Variants in MRPL45 observed in about 807,000 individuals in gnomAD.
MRPL45 encodes mitochondrial ribosomal protein L45, also known as large ribosomal subunit protein mL45.
In MRPL45, 20 loss-of-function variants were observed where a neutral mutation model predicts 38.1. That is an observed-to-expected ratio of 0.53 (90% confidence interval 0.37 to 0.76). MRPL45 has a LOEUF of 0.76. Ranked by LOEUF, MRPL45 falls within the 30% of genes least tolerant of loss-of-function variation. The pLI, the probability that MRPL45 is intolerant of heterozygous loss-of-function variation, is 0.00. For synonymous variants in MRPL45, 105 were observed against 128.8 expected, an observed-to-expected ratio of 0.82 and a Z score of 1.25; for missense variants, 337 against 395.6, an observed-to-expected ratio of 0.85 and a Z score of 1.26.
intron 1 of MRPL45, 54 bp downstream of exon 1, chr17:38,297,303 C>T: frequency 6.6e-7 from 1 of 1,507,102 alleles, no homozygotes; most frequent in East Asian, 2.2e-5. Flanking sequence ...AGGACAGAGT[C>T]GAGGGAAATA....
chr17:38,319,028 T>C (rs2037204514), intron 5 of MRPL45, among the ~76,000 whole-genome samples: 1 of 147,702 alleles, frequency 6.8e-6, no homozygotes, highest in African/African-American at 2.5e-5. Context: ...TTTATTTATT[T>C]ATTTATTTAT....
intron 5 of MRPL45, among the ~76,000 whole-genome samples, chr17:38,320,287 C>A (rs967981582): frequency 1.6e-4 from 25 of 152,014 alleles, no homozygotes; most frequent in African/African-American, 6.0e-4. Context: ...GCAATAATTG[C>A]CACATTATGA....
At chr17:38,320,509 C>T (rs2037218662) in intron 5 of MRPL45, 109 bp from the exon 6 acceptor site, 3 of 1,146,278 alleles carry the variant, frequency 2.6e-6, no homozygotes, top group East Asian at 2.4e-5. Context: ...TGGTGGGAAA[C>T]GTGCTGCCTG....
chr17:38,322,348 T>C, intron 7 of MRPL45, 49 bp downstream of exon 7: 1 of 1,492,404 alleles, frequency 6.7e-7, no homozygotes, highest in Non-Finnish European at 9.0e-7. Flanking sequence ...ACTCGTGGTC[T>C]CCTAAGCCAC....
rs1028091846 is a variant in MRPL45, at chr17:38,315,746, C to CT, written c.462-2928dup. Among the ~76,000 whole-genome samples, 935 of 139,048 alleles carry CT rather than the reference C, an allele frequency of 6.7e-3. 5 individuals carry two copies. The highest frequency in any genetic ancestry group is 0.018 in the African/African-American group (689 of 38,164). The allele number at this position is 139,048 out of a possible 152,430, so 91.2% of individuals were successfully genotyped here. On this transcript the variant is annotated intron_variant, in intron 4 of 7. Coordinates refer to ENST00000613675, the MANE Select transcript of MRPL45 (RefSeq NM_032351.6). Reference sequence around the variant, plus strand: ...CTGCAGCCATTATTTCTTTTTCTTTCTTTTTTTTTTTTTGCATGTTATTTT... The same window carrying CT: ...CTGCAGCCATTATTTCTTTTTCTTTCTTTTTTTTTTTTTTGCATGTTATTTT...
chr17:38,319,153 A>T (rs1406209454), intron 5 of MRPL45, among the ~76,000 whole-genome samples: 1 of 151,754 alleles, frequency 6.6e-6, no homozygotes, highest in East Asian at 1.9e-4. Flanking sequence ...CTCCTGCCTC[A>T]GCCTCTTGAG....
intron 3 of MRPL45, among the ~76,000 whole-genome samples, chr17:38,300,040 CTTTATTTA>C (rs531265363): frequency 2.7e-5 from 4 of 149,806 alleles, no homozygotes; most frequent in Admixed American, 2.7e-4. Flanking sequence ...ACGCCCAGCC[CTTTATTTA>C]TTTATTTATT....
intron 4 of MRPL45, among the ~76,000 whole-genome samples, chr17:38,314,888 C>G (rs1024624269): frequency 2.6e-5 from 4 of 152,190 alleles, no homozygotes; most frequent in African/African-American, 9.7e-5. Flanking sequence ...CTAGTTCAAC[C>G]TAGTTTGAAT....
chr17:38,312,949 A>G (rs2037126721), intron 4 of MRPL45, among the ~76,000 whole-genome samples: 1 of 147,534 alleles, frequency 6.8e-6, no homozygotes, highest in African/African-American at 2.5e-5. Flanking sequence ...GTTTCTCTAC[A>G]TCCTCACTGA....
At chr17:38,306,661 T>C in intron 4 of MRPL45, 30 bp downstream of exon 4, 5 of 1,610,526 alleles carry the variant, frequency 3.1e-6, no homozygotes, top group Non-Finnish European at 4.2e-6. Flanking sequence ...TTACCCATTC[T>C]GTTCTCAGCA....
Position 38,322,161 on chromosome 17 carries a change from G to A in MRPL45, c.696G>A (p.Met232Ile), listed in dbSNP as rs1488663916. ...LAIYDRFGRL[M>I]YGQEDVPKDV... ...TCTATGACCGGTTTGGCCGGTTGAT[G>A]TATGGACAGGAAGATGTACCCAAGG... Residue 232 changes from methionine to isoleucine, a missense_variant, in exon 7 of 8, where the codon ATG becomes ATA. Physicochemically the swap from Met to Ile is conservative, Grantham distance 10. Around this residue, in one of 3 missense-constraint regions of MRPL45, gnomAD observed 251 missense variants for 269.1 expected, o/e 0.93. Coordinates refer to ENST00000613675, the MANE Select transcript of MRPL45 (RefSeq NM_032351.6). 1.2e-6 allele frequency: 2 copies of A among 1,614,154 alleles called. No individual in the cohort carries two copies. The highest frequency in any genetic ancestry group is 1.3e-5 in the African/African-American group (1 of 75,030).
At chr17:38,318,232 T>C (rs1047907162) in intron 4 of MRPL45, among the ~76,000 whole-genome samples, 3 of 130,808 alleles carry the variant, frequency 2.3e-5, no homozygotes, top group Admixed American at 7.8e-5. Flanking sequence ...AAAAAAAAGA[T>C]ATAAGGCCAA....
At chr17:38,308,969 C>A (rs1399726660) in intron 4 of MRPL45, among the ~76,000 whole-genome samples, 3 of 151,306 alleles carry the variant, frequency 2.0e-5, no homozygotes, top group Non-Finnish European at 4.4e-5. Context: ...TGCAGTAGCG[C>A]AATCTCGACT....
intron 4 of MRPL45, among the ~76,000 whole-genome samples, chr17:38,308,969 C>T (rs1399726660): frequency 6.6e-6 from 1 of 151,426 alleles, no homozygotes; most frequent in Non-Finnish European, 1.5e-5. Context: ...TGCAGTAGCG[C>T]AATCTCGACT....
chr17:38,307,183 G>A (rs988559614), intron 4 of MRPL45, among the ~76,000 whole-genome samples: 35 of 151,980 alleles, frequency 2.3e-4, no homozygotes, highest in Admixed American at 7.2e-4. Flanking sequence ...ACAGGTGCAC[G>A]CCACCACATC....
chr17:38,305,005 C>T (rs959930293), intron 3 of MRPL45, among the ~76,000 whole-genome samples: 23 of 151,764 alleles, frequency 1.5e-4, no homozygotes, highest in African/African-American at 5.1e-4. Context: ...TGCCATCACG[C>T]TTGGCTAATT....
chr17:38,319,976 G>A lies in MRPL45; in HGVS notation c.511-642G>A, dbSNP rs561920026. On this transcript the variant is annotated intron_variant, in intron 5 of 7. Transcript: ENST00000613675. ...AAATTAGCCGGGCGTGGTGGCGGGCGCCAGTAGTCCCAGCTACTCGGGAAG... is the reference window on the plus strand; with the variant it reads ...AAATTAGCCGGGCGTGGTGGCGGGCACCAGTAGTCCCAGCTACTCGGGAAG... Among the ~76,000 whole-genome samples the A allele has an allele frequency of 5.3e-5, 8 of 152,272 alleles. No homozygotes were observed. In the East Asian group the frequency reaches 9.7e-4, roughly 18 times the overall value.
At chr17:38,314,319 G>A (rs926440190) in intron 4 of MRPL45, among the ~76,000 whole-genome samples, 23 of 152,016 alleles carry the variant, frequency 1.5e-4, no homozygotes, top group Non-Finnish European at 3.1e-4. Context: ...GGACAGGCTG[G>A]TCTTGAATTC....
At chr17:38,308,871 TC>T (rs1224673016) in intron 4 of MRPL45, among the ~76,000 whole-genome samples, 1 of 151,522 alleles carries the variant, frequency 6.6e-6, no homozygotes, top group Non-Finnish European at 1.5e-5. Flanking sequence ...TTTTTTTTTT[TC>T]ATTTTGTTAA....
Sources: allele counts gnomAD v4.1 joint callset (sites outside exome capture counted in the v4.1 genomes callset), GRCh38; gene constraint gnomAD v4.1.1; regional missense constraint gnomAD v4.1.1; transcripts MANE v1.5; gene names NCBI Gene and HGNC (gene_info 2026-07-23, HGNC 2026-07-21).